Variants in ROBO2 observed in about 807,000 individuals in gnomAD.
ROBO2 encodes roundabout homolog 2.
In ROBO2, 53 loss-of-function variants were observed where a neutral mutation model predicts 160.8. That is an observed-to-expected ratio of 0.33 (90% CI 0.26 to 0.41). The LOEUF (loss-of-function observed/expected upper bound fraction) is 0.41, where lower values mean the gene tolerates loss of function less well. Ranked by LOEUF, ROBO2 falls within the 10% of genes least tolerant of loss-of-function variation. The pLI is 1.00. For missense variants in ROBO2, 1,577 were observed against 1,722.4 expected (o/e 0.92, Z 1.49); for synonymous variants, 664 against 611.7 (o/e 1.09, Z -1.26).
chr3:76,136,213 A>G (rs1368994330), intron 2 of ROBO2, among the ~76,000 whole-genome samples: 1 of 152,158 alleles, frequency 6.6e-6, no homozygotes, highest in African/African-American at 2.4e-5. Context: ...TGGTTTACAT[A>G]GCATTCAAAT....
intron 2 of ROBO2, among the ~76,000 whole-genome samples, chr3:76,355,534 C>T (rs2075108835): frequency 6.6e-6 from 1 of 151,744 alleles, no homozygotes; most frequent in South Asian, 2.1e-4. Context: ...TGGTTCTTAA[C>T]TGTTACATTC....
At chr3:77,499,775 A>G (rs1375540418) in intron 5 of ROBO2, among the ~76,000 whole-genome samples, 3 of 150,734 alleles carry the variant, frequency 2.0e-5, no homozygotes, top group Non-Finnish European at 4.4e-5. Flanking sequence ...CAGCCTCCTG[A>G]GTAGCTGGGA....
chr3:76,553,718 T>C (rs768792280), intron 2 of ROBO2, among the ~76,000 whole-genome samples: 9 of 152,190 alleles, frequency 5.9e-5, no homozygotes, highest in Non-Finnish European at 1.3e-4. Flanking sequence ...TTCTGTTTCA[T>C]GTAAATGTGA....
intron 2 of ROBO2, among the ~76,000 whole-genome samples, chr3:77,370,151 A>AG (rs1414476581): frequency 1.3e-5 from 2 of 152,176 alleles, no homozygotes. Flanking sequence ...AGGCACAAAA[A>AG]GGGGAACGAA....
At chr3:76,252,463 C>T (rs375656944) in intron 2 of ROBO2, among the ~76,000 whole-genome samples, 8 of 151,968 alleles carry the variant, frequency 5.3e-5, no homozygotes, top group Admixed American at 1.3e-4. Context: ...TTTTAACATA[C>T]TAGCAATATA....
intron 2 of ROBO2, among the ~76,000 whole-genome samples, chr3:76,227,009 G>A (rs1312217670): frequency 5.9e-5 from 9 of 152,200 alleles, no homozygotes; most frequent in Middle Eastern, 3.2e-3. Context: ...AAGAGATGAC[G>A]GGGCCTGGGT....
chr3:75,987,433 A>G (rs767251310), intron 2 of ROBO2, among the ~76,000 whole-genome samples: 15 of 151,696 alleles, frequency 9.9e-5, no homozygotes, highest in African/African-American at 2.2e-4. Flanking sequence ...AGTTTTAACT[A>G]TGTGTGTGTG....
chr3:77,597,041 A>G (rs1006795293), intron 19 of ROBO2, among the ~76,000 whole-genome samples: 18 of 151,908 alleles, frequency 1.2e-4, no homozygotes, highest in Admixed American at 3.3e-4. Context: ...AGATTACTGA[A>G]CTCAGAGACT....
At chr3:77,637,712 G>A (rs2095287852) in intron 24 of ROBO2, among the ~76,000 whole-genome samples, 1 of 152,112 alleles carries the variant, frequency 6.6e-6, no homozygotes, top group African/African-American at 2.4e-5. Context: ...AGAGAAAAAT[G>A]TCTAGGTATA....
intron 2 of ROBO2, among the ~76,000 whole-genome samples, chr3:76,307,321 C>G (rs1435604965): frequency 1.3e-5 from 2 of 152,250 alleles, no homozygotes; most frequent in Non-Finnish European, 2.9e-5. Flanking sequence ...TTCTCTCTCA[C>G]TGAACTTCAC....
At chr3:76,934,005 C>T (rs892125942) in intron 2 of ROBO2, among the ~76,000 whole-genome samples, 2 of 152,136 alleles carry the variant, frequency 1.3e-5, no homozygotes, top group Non-Finnish European at 2.9e-5. Context: ...ATTTAATATT[C>T]AGTAGCATAA....
intron 2 of ROBO2, among the ~76,000 whole-genome samples, chr3:77,237,411 T>TTGTGTGTGTATGTGTG (rs1553862750): frequency 5.9e-4 from 77 of 131,120 alleles, no homozygotes; most frequent in Middle Eastern, 4.1e-3. Context: ...TTGTTTTGTT[T>TTGTGTGTGTATGTGTG]TGTGTGTGTG....
intron 2 of ROBO2, among the ~76,000 whole-genome samples, chr3:76,785,091 G>A (rs752426030): frequency 6.6e-6 from 1 of 151,116 alleles, no homozygotes; most frequent in Non-Finnish European, 1.5e-5. Context: ...GTTTGCTGAT[G>A]TCATTCCCAC....
intron 21 of ROBO2, among the ~76,000 whole-genome samples, chr3:77,613,921 C>A (rs993936112): frequency 6.6e-6 from 1 of 152,020 alleles, no homozygotes; most frequent in African/African-American, 2.4e-5. Context: ...TAGCCTGCAT[C>A]TTGATGGATT....
chr3:77,631,462 T>C (rs1015967291), intron 23 of ROBO2: 1 of 152,208 alleles, frequency 6.6e-6, no homozygotes, highest in Non-Finnish European at 1.5e-5. Flanking sequence ...ATTAGTTTCT[T>C]ACAAATATTT....
intron 2 of ROBO2, among the ~76,000 whole-genome samples, chr3:76,344,975 T>A (rs892014051): frequency 1.3e-5 from 2 of 152,194 alleles, no homozygotes; most frequent in African/African-American, 4.8e-5. Flanking sequence ...ACTTGAGAAG[T>A]ACTATTCAGT....
At chr3:77,080,222 C>T (rs933468080) in intron 1 of ROBO2, among the ~76,000 whole-genome samples, 1 of 152,120 alleles carries the variant, frequency 6.6e-6, no homozygotes, top group Admixed American at 6.5e-5. Flanking sequence ...CCGTAAGTCA[C>T]GTACCTATTC....
chr3:76,079,434 G>A (rs956694012), intron 2 of ROBO2, among the ~76,000 whole-genome samples: 22 of 150,060 alleles, frequency 1.5e-4, no homozygotes, highest in African/African-American at 4.4e-4. Flanking sequence ...CAATTATTAC[G>A]TATCATTAAA....
intron 2 of ROBO2, among the ~76,000 whole-genome samples, chr3:76,927,044 A>G (rs2077033895): frequency 6.6e-6 from 1 of 152,192 alleles, no homozygotes; most frequent in African/African-American, 2.4e-5. Context: ...CTGACGGAAG[A>G]CATGAGATTA....
Sources: allele counts gnomAD v4.1 joint callset (sites outside exome capture counted in the v4.1 genomes callset), GRCh38; gene constraint gnomAD v4.1.1; transcripts MANE v1.5; gene names NCBI Gene and HGNC (gene_info 2026-07-23, HGNC 2026-07-21).